Variants in CENPF observed in about 807,000 individuals in gnomAD.
CENPF encodes the protein AH antigen.
A neutral mutation model predicts 307.3 loss-of-function variants in CENPF; 214 were observed. The ratio of observed to expected loss-of-function variants is 0.70; its 90% CI spans 0.62 to 0.78. The LOEUF is 0.78. CENPF is among the 30% of genes least tolerant of loss of function. The probability of loss-of-function intolerance (pLI) is 0.00; values close to 1 mark genes in which losing one functional copy is unlikely to be tolerated. For synonymous variants in CENPF, 1,259 were observed against 1,270.6 expected, an observed-to-expected ratio of 0.99 and a Z score of 0.19; for missense variants, 3,401 against 3,483.9, an observed-to-expected ratio of 0.98 and a Z score of 0.60.
Position 214,646,382 on chromosome 1 carries a change from C to CT in CENPF, c.6812_6813insT (p.Val2272SerfsTer7). The CT allele has an allele frequency of 1.8e-5, 29 of 1,614,050 alleles. No individual in the cohort carries two copies. Among genetic ancestry groups the CT allele is most frequent in the Non-Finnish European group, 2.3e-5 (27 of 1,179,998 alleles). On this transcript the variant is annotated frameshift_variant, in exon 13 of 20. Coordinates refer to ENST00000366955, the MANE Select transcript of CENPF (RefSeq NM_016343.4). LOFTEE classifies it high-confidence loss of function. ...AATCAGTTAAAGGAGCTAAATGAGGCAGTAGCAGCCTTGTGTGGTGACCAA... is the reference window on the plus strand; with the variant it reads ...AATCAGTTAAAGGAGCTAAATGAGGCTAGTAGCAGCCTTGTGTGGTGACCAA...
intron 15 of CENPF, 110 bp downstream of exon 15, chr1:214,651,996 TA>T: frequency 1.2e-6 from 1 of 852,702 alleles, no homozygotes; most frequent in Non-Finnish European, 1.7e-6. Context: ...TACTATGCTA[TA>T]TAATCTTTTA....
intron 14 of CENPF, among the ~76,000 whole-genome samples, chr1:214,649,693 G>A (rs894237966): frequency 6.6e-6 from 1 of 152,188 alleles, no homozygotes; most frequent in Non-Finnish European, 1.5e-5. Flanking sequence ...TGGCCATACT[G>A]CATGGAAGGA....
chr1:214,620,747 G>A lies in CENPF; in HGVS notation c.666G>A (p.Glu222=), dbSNP rs1232026082. The A allele has an allele frequency of 6.2e-7, 1 of 1,614,052 alleles. No homozygotes were observed. Among genetic ancestry groups the A allele is most frequent in the South Asian group, 1.1e-5 (1 of 91,092 alleles). ...CATCTGTGTTCTCATGGCAGCAAGA[G>A]AAGACCCCAAGTCATCTTTCATCTA... ...ASSSVFSWQQ[E]KTPSHLSSNS... Residue 222 remains glutamate, a synonymous_variant, in exon 6 of 20, where the codon GAG becomes GAA. Coordinates refer to ENST00000366955, the MANE Select transcript of CENPF (RefSeq NM_016343.4).
In CENPF at chr1:214,618,007, G is replaced by A. The variant is rs539210666; in HGVS notation, c.360-566G>A. Among the ~76,000 whole-genome samples, 8 of 152,128 alleles carry A rather than the reference G, an allele frequency of 5.3e-5. No homozygotes were observed. The East Asian group carries it at 9.6e-4, about 18-fold the overall frequency. On this transcript the variant is annotated intron_variant, in intron 3 of 19. Transcript: ENST00000366955. ...CAGTTCCACAGGGCTTTTCTTTTCC[G>A]CTGGGAAACTTACAATCATAGCGGA...
Position 214,605,602 on chromosome 1 carries a change from C to A in CENPF, c.-42+2281C>A, listed in dbSNP as rs773049289. On this transcript the variant is annotated intron_variant, in intron 1 of 19. Coordinates refer to ENST00000366955, the MANE Select transcript of CENPF (RefSeq NM_016343.4). ...GGGCCGCCCGGGGGTCCACATGCAG[C>A]CCCTGGGGGGCCGGCGCGGGGTGAG... 6.0e-6 allele frequency: 8 copies of A among 1,324,318 alleles called. No individual in the cohort carries two copies. The South Asian group carries it at 7.9e-5, about 13-fold the overall frequency. The allele number at this position is 1,324,318 out of a possible 1,614,324, so 82.0% of individuals were successfully genotyped here.
chr1:214,631,552 T>C (rs1340615655), intron 9 of CENPF, among the ~76,000 whole-genome samples: 1 of 152,240 alleles, frequency 6.6e-6, no homozygotes, highest in Non-Finnish European at 1.5e-5. Context: ...CAGGCTGGAG[T>C]GCAGTGGCAC....
At chr1:214,644,510 T>G (rs1558185046) in intron 12 of CENPF, 47 bp from the exon 13 acceptor site, 2 of 1,501,558 alleles carry the variant, frequency 1.3e-6, no homozygotes, top group Non-Finnish European at 8.9e-7. Context: ...CTATTTTGAT[T>G]CTTTTTGAAA....
Position 214,641,414 on chromosome 1 carries a change from C to T in CENPF, c.3076C>T (p.Leu1026=), listed in dbSNP as rs182151029. 29 of 1,574,576 alleles carry T rather than the reference C, an allele frequency of 1.8e-5. No individual in the cohort carries two copies. Among genetic ancestry groups the T allele is most frequent in the Non-Finnish European group, 2.3e-5 (27 of 1,168,912 alleles). ...DQYKQEKLIL[L]QRCEETGNAY... ...GTACAAGCAAGAAAAACTTATTTTA[C>T]TACAAAGATGTGAAGAAACCGGAAA... Residue 1026 remains leucine (L), a synonymous_variant, in exon 12 of 20, where the codon CTA becomes TTA. Coordinates refer to ENST00000366955, the MANE Select transcript of CENPF (RefSeq NM_016343.4).
At chr1:214,604,938 AT>A (rs893671808) in intron 1 of CENPF, among the ~76,000 whole-genome samples, 1 of 151,920 alleles carries the variant, frequency 6.6e-6, no homozygotes, top group Non-Finnish European at 1.5e-5. Context: ...CTCCCTCTTA[AT>A]TTTTTTTATT....
In CENPF at chr1:214,645,260, T is replaced by G. The variant is rs771537394; in HGVS notation, c.5690T>G (p.Phe1897Cys). 39 of 1,613,800 alleles carry G rather than the reference T, an allele frequency of 2.4e-5. 1 individual carries two copies. The Middle Eastern group carries it at 2.6e-3, about 109-fold the overall frequency. The change falls in exon 13 of 20, where the codon TTT becomes TGT. Residue 1897 changes from phenylalanine (F) to cysteine (C), a missense_variant. Transcript: ENST00000366955. ...AKVNDSWKER[F>C]LDVENELSRI... ...GTGAATGACAGCTGGAAGGAGAGAT[T>G]TCTTGATGTGGAAAATGAGCTGAGT...
At chr1:214,634,993 CAA>C (rs1041381286) in intron 10 of CENPF, among the ~76,000 whole-genome samples, 1 of 152,148 alleles carries the variant, frequency 6.6e-6, no homozygotes, top group Admixed American at 6.5e-5. Context: ...CATTTAGTAT[CAA>C]AGTGAATGGA....
At chr1:214,651,682 A>G (rs1327335122) in intron 14 of CENPF, 28 bp from the exon 15 acceptor site, 1 of 1,501,650 alleles carries the variant, frequency 6.7e-7, no homozygotes, top group African/African-American at 1.4e-5. Context: ...AGGAGGTGCT[A>G]TTATGATTTT....
At position 214,659,446 on chromosome 1, in the gene CENPF, T is replaced by TA. The variant is rs370322107; in HGVS notation, c.9141+431dup. The stretch of plus-strand genomic sequence containing the variant: ...TGTTTTTATTAATCCTTTACTTTCT[T>TA]AAAAAAAAAAAAAGCACATATTTCA... On this transcript the variant is annotated intron_variant, in intron 19 of 19. Coordinates refer to ENST00000366955, the MANE Select transcript of CENPF (RefSeq NM_016343.4). This position sits in a 1 kb window ranked among gnomAD's most constrained non-coding sequence, Gnocchi z 4.4. 1.7e-3 allele frequency among the ~76,000 whole-genome samples: 242 copies of TA among 142,634 alleles called. No individual in the cohort carries two copies. Among genetic ancestry groups the TA allele is most frequent in the Non-Finnish European group, 2.1e-3 (134 of 64,786 alleles). 93.6% of individuals were successfully genotyped at this position (142,634 alleles called of 152,430 possible).
intron 11 of CENPF, among the ~76,000 whole-genome samples, chr1:214,639,261 CAG>C (rs967774600): frequency 5.3e-5 from 8 of 152,140 alleles, no homozygotes; most frequent in Admixed American, 4.6e-4. Flanking sequence ...AGGCAGAAGA[CAG>C]GGGGTAACGG....
chr1:214,626,902 C>T (rs2102544605), intron 7 of CENPF, among the ~76,000 whole-genome samples: 1 of 152,296 alleles, frequency 6.6e-6, no homozygotes, highest in Non-Finnish European at 1.5e-5. Flanking sequence ...AATTACATTT[C>T]TCCTTTTACA....
At position 214,620,694 on chromosome 1, in the gene CENPF, C is replaced by T. The variant is rs569811667; in HGVS notation, c.613C>T (p.Arg205Cys). ...QTLPQATMNH[R>C]DIARHQASSS... The stretch of plus-strand genomic sequence containing the variant: ...TCTTCCACAAGCCACCATGAATCAC[C>T]GCGACATTGCCCGGCATCAGGCTTC... Residue 205 changes from arginine (R) to cysteine (C), a missense_variant, in exon 6 of 20, where the codon CGC becomes TGC. Coordinates refer to ENST00000366955, the MANE Select transcript of CENPF (RefSeq NM_016343.4). 2.9e-5 allele frequency: 47 copies of T among 1,613,994 alleles called. No homozygotes were observed. The highest frequency in any genetic ancestry group is 1.9e-4 in the South Asian group (17 of 91,046).
At chr1:214,607,363 C>T (rs557606377) in intron 1 of CENPF, among the ~76,000 whole-genome samples, 57 of 152,282 alleles carry the variant, frequency 3.7e-4, no homozygotes, top group Non-Finnish European at 7.2e-4. Flanking sequence ...CTGGCCATGG[C>T]GGGTGTGACT....
intron 7 of CENPF, among the ~76,000 whole-genome samples, chr1:214,624,297 T>C (rs1657594410): frequency 6.6e-6 from 1 of 152,136 alleles, no homozygotes; most frequent in Admixed American, 6.5e-5. Context: ...GTTTCACAAA[T>C]TAGAGAGTAT....
intron 19 of CENPF, among the ~76,000 whole-genome samples, chr1:214,660,985 T>C (rs574352264): frequency 1.3e-5 from 2 of 152,364 alleles, no homozygotes; most frequent in South Asian, 2.1e-4. Flanking sequence ...AATGGTCTTA[T>C]GAAATCATCA....
Sources: allele counts gnomAD v4.1 joint callset (sites outside exome capture counted in the v4.1 genomes callset), GRCh38; gene constraint gnomAD v4.1.1; non-coding constraint Gnocchi (gnomAD v3.1); transcripts MANE v1.5; gene names NCBI Gene and HGNC (gene_info 2026-07-23, HGNC 2026-07-21).